The following ZSWIM3 variants were observed in gnomAD, a reference collection of about 807,000 sequenced individuals.
ZSWIM3 encodes the protein zinc finger SWIM domain-containing protein 3.
A neutral mutation model predicts 47.5 loss-of-function variants in ZSWIM3; 27 were observed. That is an observed-to-expected ratio of 0.57 (90% CI 0.42 to 0.78). The LOEUF (loss-of-function observed/expected upper bound fraction) is 0.78, where lower values mean the gene tolerates loss of function less well. ZSWIM3 is among the 30% of genes least tolerant of loss of function. ZSWIM3 has a pLI of 0.00. For missense variants in ZSWIM3, 689 were observed against 861.3 expected (o/e 0.80, Z 2.50); for synonymous variants, 333 against 333.9 (o/e 1.00, Z 0.03).
intron 1 of ZSWIM3, among the ~76,000 whole-genome samples, chr20:45,859,802 A>AC (rs1175519135): frequency 2.0e-5 from 3 of 147,712 alleles, no homozygotes; most frequent in Non-Finnish European, 4.5e-5. Flanking sequence ...CAAAAAAAAA[A>AC]AAAAAAAAAA....
rs1601118403 is a variant in ZSWIM3, at chr20:45,875,629, G to A, written c.156-1085G>A. ...GGATTCTCCTGCCTCAGCCTCCCGA[G>A]TAGCTGGGATTACAGGTGCCTGCCA... On this transcript the variant is annotated intron_variant, in intron 1 of 1. Transcript: ENST00000255152. Among the ~76,000 whole-genome samples, 4 of 151,952 alleles carry A rather than the reference G, an allele frequency of 2.6e-5. No homozygotes were observed. The East Asian group carries it at 7.7e-4, about 29-fold the overall frequency.
Position 45,862,210 on chromosome 20 carries a change from C to T in ZSWIM3, c.155+4230C>T, listed in dbSNP as rs1422818181. The stretch of plus-strand genomic sequence containing the variant: ...GTCGCCAGGCTGGAGTGCAGTGGCG[C>T]GATCTTGGCTCCCCGCAACCTTTGA... On this transcript the variant is annotated intron_variant, in intron 1 of 1. Coordinates refer to ENST00000255152, the MANE Select transcript of ZSWIM3 (RefSeq NM_080752.4). Among the ~76,000 whole-genome samples the T allele has an allele frequency of 1.1e-4, 16 of 149,276 alleles. No individual in the cohort carries two copies. In the East Asian group the frequency reaches 1.6e-3, roughly 15 times the overall value.
At position 45,858,778 on chromosome 20, in the gene ZSWIM3, C is replaced by CT. The variant is rs34910222; in HGVS notation, c.155+806dup. ...TCTATGCATGCTTTACCCTGCAGGGCTTTTTTTTCAGAATTATAGATAAAT... is the reference window on the plus strand; with the variant it reads ...TCTATGCATGCTTTACCCTGCAGGGCTTTTTTTTTCAGAATTATAGATAAAT... On this transcript the variant is annotated intron_variant, in intron 1 of 1. Coordinates refer to ENST00000255152, the MANE Select transcript of ZSWIM3 (RefSeq NM_080752.4). 2.3e-4 allele frequency among the ~76,000 whole-genome samples: 35 copies of CT among 151,850 alleles called. No individual in the cohort carries two copies. The East Asian group carries it at 3.5e-3, about 15-fold the overall frequency.
At chr20:45,866,753 G>T (rs1985851365) in intron 1 of ZSWIM3, among the ~76,000 whole-genome samples, 1 of 152,006 alleles carries the variant, frequency 6.6e-6, no homozygotes, top group Non-Finnish European at 1.5e-5. Context: ...AGTGAGCCAT[G>T]CTTGCACCAC....
chr20:45,874,208 T>C lies in ZSWIM3; in HGVS notation c.156-2506T>C, dbSNP rs547360888. Among the ~76,000 whole-genome samples the C allele has an allele frequency of 2.6e-3, 396 of 152,218 alleles. 5 individuals are homozygous for C. The highest frequency in any genetic ancestry group is 9.2e-3 in the African/African-American group (383 of 41,528). ...ACCAACCTGGGCAACGGTGAGACCT[T>C]GTCTCAAAAAAGAAAGAAAGAGGCC... On this transcript the variant is annotated intron_variant, in intron 1 of 1. Coordinates refer to ENST00000255152, the MANE Select transcript of ZSWIM3 (RefSeq NM_080752.4).
Position 45,877,561 on chromosome 20 carries a change from CT to C in ZSWIM3, c.1004del (p.Leu335ArgfsTer13), listed in dbSNP as rs766432906. 1 of 1,614,204 alleles carries C rather than the reference CT, an allele frequency of 6.2e-7. No individual in the cohort carries two copies. Among genetic ancestry groups the C allele is most frequent in the Non-Finnish European group, 8.5e-7 (1 of 1,180,034 alleles). ...CTTTAAAAGGCTCATGAAGGAAGCC[CT>C]GCGGGAGGCCGTGTTTGTCACTTCT... Reference protein sequence around the residue: ...PSFKRLMKEALREAVFVTSEA... With the variant: ...PSFKRLMKEAXREAVFVTSEA... On this transcript the variant is annotated frameshift_variant, in exon 2 of 2. Transcript: ENST00000255152. LOFTEE classifies it high-confidence loss of function.
intron 1 of ZSWIM3, among the ~76,000 whole-genome samples, chr20:45,870,298 C>G (rs903765197): frequency 6.6e-6 from 1 of 151,778 alleles, no homozygotes; most frequent in African/African-American, 2.4e-5. Context: ...CAAGACCGTG[C>G]CAGTGCATTC....
intron 1 of ZSWIM3, among the ~76,000 whole-genome samples, chr20:45,864,463 A>G (rs1985786087): frequency 6.6e-6 from 1 of 152,216 alleles, no homozygotes; most frequent in Non-Finnish European, 1.5e-5. Flanking sequence ...TTCTGCAGCC[A>G]AATACACATA....
At chr20:45,865,820 A>G (rs1985824995) in intron 1 of ZSWIM3, among the ~76,000 whole-genome samples, 1 of 150,990 alleles carries the variant, frequency 6.6e-6, no homozygotes, top group Non-Finnish European at 1.5e-5. Flanking sequence ...ACACGGTGAA[A>G]CCCCATCTCT....
In ZSWIM3 at chr20:45,877,497, C is replaced by G. The variant is rs745702737; in HGVS notation, c.939C>G (p.Leu313=). The G allele has an allele frequency of 3.7e-6, 6 of 1,614,194 alleles. No homozygotes were observed. The South Asian group carries it at 5.5e-5, about 15-fold the overall frequency. Residue 313 remains leucine, a synonymous_variant, in exon 2 of 2, where the codon CTC becomes CTG. Transcript: ENST00000255152. Reference sequence around the variant, plus strand: ...TTTCCATCTACCACACAACCCGACTCTTGGAGAAGAAGTTGCATCGTAGTT... The same window carrying G: ...TTTCCATCTACCACACAACCCGACTGTTGGAGAAGAAGTTGCATCGTAGTT... ...ILLSIYHTTR[L]LEKKLHRSSA... is the part of the protein sequence containing the mutation.
At chr20:45,862,628 A>G (rs1383756177) in intron 1 of ZSWIM3, among the ~76,000 whole-genome samples, 4 of 151,932 alleles carry the variant, frequency 2.6e-5, no homozygotes, top group East Asian at 1.9e-4. Flanking sequence ...AGGAGCTGAG[A>G]CTACAGGCAT....
At chr20:45,869,590 T>C (rs1985921457) in intron 1 of ZSWIM3, among the ~76,000 whole-genome samples, 1 of 151,970 alleles carries the variant, frequency 6.6e-6, no homozygotes, top group Admixed American at 6.6e-5. Context: ...TGACTCAAAA[T>C]GGCTTATTGC....
In ZSWIM3 at chr20:45,876,780, C is replaced by A. The variant is rs754120651; in HGVS notation, c.222C>A (p.Asp74Glu). 4 of 1,614,016 alleles carry A rather than the reference C, an allele frequency of 2.5e-6. No individual in the cohort carries two copies. In the African/African-American group the frequency reaches 4.0e-5, roughly 16 times the overall value. The stretch of plus-strand genomic sequence containing the variant: ...ACAGGAAGAGAACGCGGGAGGCAGA[C>A]ATGTGCCCAGCGTACTTGCTCCTAA... ...QSNRKRTREADMCPAYLLLRY... is the reference protein window; with the variant it reads ...QSNRKRTREAEMCPAYLLLRY... Residue 74 changes from aspartate to glutamate, a missense_variant, in exon 2 of 2, where the codon GAC becomes GAA. By Grantham distance (45) the Asp-to-Glu change is conservative (BLOSUM62 2). Coordinates refer to ENST00000255152, the MANE Select transcript of ZSWIM3 (RefSeq NM_080752.4).
Position 45,857,936 on chromosome 20 carries a change from C to T in ZSWIM3, c.111C>T (p.Arg37=). The T allele has an allele frequency of 1.3e-6, 2 of 1,572,416 alleles. No homozygotes were observed. The highest frequency in any genetic ancestry group is 1.7e-6 in the Non-Finnish European group (2 of 1,154,232). The part of the protein sequence containing the change: ...SFILRDCVSV[R]FHNLNHGTSI... Reference sequence around the variant, plus strand: ...TTCTCAGGGACTGCGTCTCCGTCCGCTTCCACAACCTCAACCATGGCACCT... The same window carrying T: ...TTCTCAGGGACTGCGTCTCCGTCCGTTTCCACAACCTCAACCATGGCACCT... The change falls in exon 1 of 2, where the codon CGC becomes CGT. Residue 37 remains arginine (R), a synonymous_variant. Coordinates refer to ENST00000255152, the MANE Select transcript of ZSWIM3 (RefSeq NM_080752.4).
intron 1 of ZSWIM3, among the ~76,000 whole-genome samples, chr20:45,861,345 G>C (rs572050734): frequency 1.9e-4 from 29 of 151,704 alleles, no homozygotes; most frequent in Non-Finnish European, 3.5e-4. Flanking sequence ...GATCCCAGGA[G>C]TCAGAGGTTG....
chr20:45,867,001 AATTTTTTTTTTTTT>A (rs1985860811), intron 1 of ZSWIM3, among the ~76,000 whole-genome samples: 1 of 131,180 alleles, frequency 7.6e-6, no homozygotes, highest in Non-Finnish European at 1.6e-5. Flanking sequence ...TCAAGTTAGA[AATTTTTTTTTTTTT>A]TTTTTTTTGA....
At chr20:45,872,871 G>A in intron 1 of ZSWIM3, 1 of 1,226,314 alleles carries the variant, frequency 8.2e-7, no homozygotes, top group Non-Finnish European at 1.0e-6. Context: ...GTTACTGTGA[G>A]ACTCACACAT....
At position 45,857,979 on chromosome 20, in the gene ZSWIM3, C is replaced by T; in HGVS notation, c.154C>T (p.Leu52=). 2.0e-6 allele frequency: 1 copy of T among 496,738 alleles called. No individual in the cohort carries two copies. Among genetic ancestry groups the T allele is most frequent in the Non-Finnish European group, 3.6e-6 (1 of 278,070 alleles). 30.8% of individuals were successfully genotyped at this position (496,738 alleles called of 1,614,324 possible). The change falls in exon 1 of 2, where the codon CTG becomes TTG. Residue 52 remains leucine (L), a splice_region_variant and synonymous_variant. Coordinates refer to ENST00000255152, the MANE Select transcript of ZSWIM3 (RefSeq NM_080752.4). ...NHGTSIREDI[L]YVQVKFVCIR... Reference sequence around the variant, plus strand: ...TGGCACCTCCATCCGCGAAGACATCCTGTAAGGGCGGGCGGGGCGGGGCGG... The same window carrying T: ...TGGCACCTCCATCCGCGAAGACATCTTGTAAGGGCGGGCGGGGCGGGGCGG...
At chr20:45,868,740 T>G (rs1985901280) in intron 1 of ZSWIM3, among the ~76,000 whole-genome samples, 1 of 152,188 alleles carries the variant, frequency 6.6e-6, no homozygotes, top group South Asian at 2.1e-4. Flanking sequence ...ATTCTTTGAT[T>G]ATTCTGAGAA....
Sources: gnomAD v4.1 joint callset for allele counts (sites outside exome capture counted in the v4.1 genomes callset) on GRCh38, gnomAD v4.1.1 for gene constraint, MANE v1.5 for transcripts, NCBI Gene and HGNC (gene_info 2026-07-23, HGNC 2026-07-21) for gene names.